The following SLC22A12 variants were observed in gnomAD, a reference collection of about 807,000 sequenced individuals.
SLC22A12 encodes the protein solute carrier family 22 member 12, also known as organic anion transporter 4-like protein.
In SLC22A12, 56 loss-of-function variants were observed where a neutral mutation model predicts 52.7. The observed-to-expected ratio is 1.06, with a 90% CI of 0.86 to 1.33. The LOEUF (loss-of-function observed/expected upper bound fraction) is 1.33, where lower values mean the gene tolerates loss of function less well. SLC22A12 is among the 40% of genes most tolerant of loss of function. The pLI, the probability that SLC22A12 is intolerant of heterozygous loss-of-function variation, is 0.00. For missense variants in SLC22A12, 683 were observed against 741.5 expected (o/e 0.92, Z 0.92); for synonymous variants, 337 against 324.6 (o/e 1.04, Z -0.41).
At chr11:64,597,334 T>A (rs933754875) in intron 4 of SLC22A12, among the ~76,000 whole-genome samples, 1 of 151,708 alleles carries the variant, frequency 6.6e-6, no homozygotes, top group African/African-American at 2.4e-5. Flanking sequence ...ACCCCAAATC[T>A]CCACTTGGTC....
At position 64,600,400 on chromosome 11, in the gene SLC22A12, T is replaced by C; in HGVS notation, c.1319T>C (p.Leu440Pro). Residue 440 changes from leucine (L) to proline (P), a missense_variant, in exon 8 of 10, where the codon CTG becomes CCG. Coordinates refer to ENST00000377574, the MANE Select transcript of SLC22A12 (RefSeq NM_144585.4). ...GCTCTGCGCTCAGCCTTGGCCGTGC[T>C]GGGGCTGGGCGGGGTGGGGGCTGCC... ...MGALRSALAV[L>P]GLGGVGAAFT... is the part of the protein sequence containing the mutation. 1 of 1,607,516 alleles carries C rather than the reference T, an allele frequency of 6.2e-7. No homozygotes were observed. The highest frequency in any genetic ancestry group is 8.5e-7 in the Non-Finnish European group (1 of 1,179,130).
chr11:64,594,722 T>TGGATGGAC (rs1554987316), intron 4 of SLC22A12, among the ~76,000 whole-genome samples: 17 of 139,608 alleles, frequency 1.2e-4, no homozygotes, highest in East Asian at 6.6e-4. Flanking sequence ...GATGGATGGA[T>TGGATGGAC]GGACGGACAG....
chr11:64,601,899 C>A lies in SLC22A12; in HGVS notation c.*348C>A. On this transcript the variant is annotated 3_prime_UTR_variant, in exon 10 of 10. Transcript: ENST00000377574. The stretch of plus-strand genomic sequence containing the variant: ...TGACTCCGCACTGCCACTTGTCCCC[C>A]CACACCCGTCCACCTGCCCAGAGCT... 1 of 370,172 alleles carries A rather than the reference C, an allele frequency of 2.7e-6. No homozygotes were observed. The highest frequency in any genetic ancestry group is 5.2e-6 in the Non-Finnish European group (1 of 190,662). 22.9% of individuals were successfully genotyped at this position (370,172 alleles called of 1,614,324 possible). A position where few individuals can be genotyped will look rare whatever the true frequency, so the allele number is the denominator to read the frequency against.
chr11:64,594,485 GA>G (rs1312484756), intron 4 of SLC22A12, among the ~76,000 whole-genome samples: 1 of 70,894 alleles, frequency 1.4e-5, no homozygotes, highest in African/African-American at 5.1e-5. Context: ...GAAATAGATA[GA>G]TAGGTAGGTA....
At position 64,592,345 on chromosome 11, in the gene SLC22A12, C is replaced by G. The variant is rs117074312; in HGVS notation, c.402+387C>G. ...CAAAGCACACAGAGTAAGGGATTAC[C>G]CCAGGCTGCCTCCCAGATGGGGCGC... On this transcript the variant is annotated intron_variant, in intron 1 of 9. Coordinates refer to ENST00000377574, the MANE Select transcript of SLC22A12 (RefSeq NM_144585.4). 3.9e-3 allele frequency among the ~76,000 whole-genome samples: 599 copies of G among 152,198 alleles called. 3 individuals are homozygous for G. The highest frequency in any genetic ancestry group is 5.7e-3 in the Non-Finnish European group (388 of 68,012).
chr11:64,600,010 C>A, intron 7 of SLC22A12, 120 bp downstream of exon 7: 1 of 1,259,128 alleles, frequency 7.9e-7, no homozygotes, highest in Non-Finnish European at 1.1e-6. Context: ...AAGGAGGCTG[C>A]CGGAGCCGTC....
intron 4 of SLC22A12, 41 bp from the exon 5 acceptor site, chr11:64,598,475 G>A (rs1193488273): frequency 1.3e-6 from 2 of 1,552,436 alleles, no homozygotes; most frequent in African/African-American, 1.4e-5. Flanking sequence ...AGGCACTGGG[G>A]GCCACAGGCA....
intron 4 of SLC22A12, 24 bp downstream of exon 4, chr11:64,593,827 T>C (rs752775307): frequency 1.3e-6 from 2 of 1,599,408 alleles, no homozygotes; most frequent in Middle Eastern, 1.7e-4. Flanking sequence ...CCCACTCCCC[T>C]CCTCAGAGGA....
In SLC22A12 at chr11:64,591,546, G is replaced by T; in HGVS notation, c.-11G>T. On this transcript the variant is annotated 5_prime_UTR_variant, in exon 1 of 10. Transcript: ENST00000377574. ...AGTGGGCCCCTCTTCTGGGCCCCTT[G>T]AGTAGGTTCCATGGCATTTTCTGAA... 1 of 1,610,616 alleles carries T rather than the reference G, an allele frequency of 6.2e-7. No individual in the cohort carries two copies.
Position 64,591,236 on chromosome 11 carries a change from C to A in SLC22A12, c.-321C>A. 2.5e-6 allele frequency: 1 copy of A among 393,236 alleles called. No individual in the cohort carries two copies. The highest frequency in any genetic ancestry group is 4.6e-6 in the Non-Finnish European group (1 of 215,744). 24.4% of individuals were successfully genotyped at this position (393,236 alleles called of 1,614,324 possible). Reference sequence around the variant, plus strand: ...TTTAATTCCAGTCTAAAATTAAAGTCTTCAGTCTCCACATTCCCTACTTTC... The same window carrying A: ...TTTAATTCCAGTCTAAAATTAAAGTATTCAGTCTCCACATTCCCTACTTTC... On this transcript the variant is annotated 5_prime_UTR_variant, in exon 1 of 10. Coordinates refer to ENST00000377574, the MANE Select transcript of SLC22A12 (RefSeq NM_144585.4).
intron 4 of SLC22A12, among the ~76,000 whole-genome samples, chr11:64,598,298 A>G (rs1565139065): frequency 1.3e-5 from 2 of 152,212 alleles, no homozygotes; most frequent in Admixed American, 6.5e-5. Context: ...CAGCATCCCA[A>G]CCACAATCCC....
chr11:64,595,161 TTGGA>T (rs1168842372), intron 4 of SLC22A12, among the ~76,000 whole-genome samples: 249 of 43,208 alleles, frequency 5.8e-3, no homozygotes, highest in Non-Finnish European at 6.9e-3. Flanking sequence ...GAATGGATGG[TTGGA>T]TGGATGGATG....
rs554824713 is a variant in SLC22A12 at position 64,600,017 on chromosome 11, C to T, written c.1285+127C>T. On this transcript the variant is annotated intron_variant, in intron 7 of 9. Coordinates refer to ENST00000377574, the MANE Select transcript of SLC22A12 (RefSeq NM_144585.4). ...CTGGTAGGAAGGAGGCTGCCGGAGC[C>T]GTCTAGGGACAGACGGCAGTGTCTG... The T allele has an allele frequency of 5.0e-5, 59 of 1,170,192 alleles. 1 individual carries two copies. In the South Asian group the frequency reaches 5.8e-4, roughly 11 times the overall value. 72.5% of individuals were successfully genotyped at this position (1,170,192 alleles called of 1,614,324 possible).
At position 64,599,864 on chromosome 11, in the gene SLC22A12, T is replaced by TG; in HGVS notation, c.1259_1260insG (p.Ile420MetfsTer186). ...TCCCTGTTGCTGGCAGGGCTCTGCA[T>TG]TCTGGCCAACACGCTGGTGCCCCAC... is the stretch of plus-strand genomic sequence containing the variant. On this transcript the variant is annotated frameshift_variant, in exon 7 of 10. Coordinates refer to ENST00000377574, the MANE Select transcript of SLC22A12 (RefSeq NM_144585.4). LOFTEE classifies it high-confidence loss of function. 1 of 1,612,522 alleles carries TG rather than the reference T, an allele frequency of 6.2e-7. No homozygotes were observed. The highest frequency in any genetic ancestry group is 8.5e-7 in the Non-Finnish European group (1 of 1,179,728).
rs1167124427 is a variant in SLC22A12, at chr11:64,600,804, G to T, written c.1464G>T (p.Leu488=). ...CCATCCTGGGGCCTCTGGTCCGGCTGCTGGGTGTCCATGGCCCCTGGCTGC... is the reference window on the plus strand; with the variant it reads ...CCATCCTGGGGCCTCTGGTCCGGCTTCTGGGTGTCCATGGCCCCTGGCTGC... ...GGAILGPLVR[L]LGVHGPWLPL... Residue 488 remains leucine, a synonymous_variant, in exon 9 of 10, where the codon CTG becomes CTT. Coordinates refer to ENST00000377574, the MANE Select transcript of SLC22A12 (RefSeq NM_144585.4). The T allele has an allele frequency of 6.2e-7, 1 of 1,606,398 alleles. No individual in the cohort carries two copies. The highest frequency in any genetic ancestry group is 8.5e-7 in the Non-Finnish European group (1 of 1,179,958).
Position 64,600,331 on chromosome 11 carries a change from C to T in SLC22A12, c.1286-36C>T, listed in dbSNP as rs1180782692. On this transcript the variant is annotated intron_variant, in intron 7 of 9. Transcript: ENST00000377574. ...GGGAGCCCTCATCTGATCTTGGGCC[C>T]CCCACCAAGCTCACTAATCCCATCT... 2.7e-6 allele frequency: 4 copies of T among 1,506,720 alleles called. No individual in the cohort carries two copies. In the South Asian group the frequency reaches 4.7e-5, roughly 18 times the overall value. The allele number at this position is 1,506,720 out of a possible 1,614,324, so 93.3% of individuals were successfully genotyped here.
chr11:64,598,733 C>G, intron 5 of SLC22A12, 75 bp from the exon 6 acceptor site: 2 of 1,606,130 alleles, frequency 1.2e-6, no homozygotes, highest in South Asian at 2.2e-5. Context: ...CCTCAGCTCC[C>G]TGGGAAGAAG....
In SLC22A12 at chr11:64,599,900, C is replaced by T. The variant is rs1240801239; in HGVS notation, c.1285+10C>T. 1 of 1,611,010 alleles carries T rather than the reference C, an allele frequency of 6.2e-7. No individual in the cohort carries two copies. The highest frequency in any genetic ancestry group is 1.1e-5 in the South Asian group (1 of 90,862). Reference sequence around the variant, plus strand: ...ACGCTGGTGCCCCACGGTGAGGGGGCAAAGCTGTACACCAGAGACTTCCCT... The same window carrying T: ...ACGCTGGTGCCCCACGGTGAGGGGGTAAAGCTGTACACCAGAGACTTCCCT... On this transcript the variant is annotated intron_variant, in intron 7 of 9. Transcript: ENST00000377574.
chr11:64,594,682 C>CAGATGGATGGAT (rs1325167495), intron 4 of SLC22A12, among the ~76,000 whole-genome samples: 1 of 134,928 alleles, frequency 7.4e-6, no homozygotes, highest in African/African-American at 2.8e-5. Context: ...GATGGATGGA[C>CAGATGGATGGAT]GGATGGATGG....
Sources: gnomAD v4.1 joint callset for allele counts (sites outside exome capture counted in the v4.1 genomes callset) on GRCh38, gnomAD v4.1.1 for gene constraint, MANE v1.5 for transcripts, NCBI Gene and HGNC (gene_info 2026-07-23, HGNC 2026-07-21) for gene names.